GALNT18: variants seen among roughly 807,000 people sequenced by gnomAD.
The protein encoded by GALNT18 is GalNAc-transferase 18.
A neutral mutation model predicts 69.5 loss-of-function variants in GALNT18; 44 were observed. The ratio of observed to expected loss-of-function variants is 0.63; its 90% confidence interval spans 0.50 to 0.81. GALNT18 has a LOEUF of 0.81. Among genes scored for constraint, GALNT18 ranks in the 40% least tolerant of loss-of-function variants. GALNT18 has a pLI of 0.00. For missense variants in GALNT18, 715 were observed against 810.0 expected, an observed-to-expected ratio of 0.88 and a Z score of 1.42; for synonymous variants, 364 against 318.2, an observed-to-expected ratio of 1.14 and a Z score of -1.53.
At chr11:11,287,617 T>C (rs945596200) in intron 10 of GALNT18, among the ~76,000 whole-genome samples, 7 of 152,154 alleles carry the variant, frequency 4.6e-5, no homozygotes, top group African/African-American at 1.7e-4. Context: ...TCTCAGAAGG[T>C]TGAAAGACAT....
chr11:11,281,474 T>C (rs1849074114), intron 10 of GALNT18, among the ~76,000 whole-genome samples: 5 of 152,186 alleles, frequency 3.3e-5, no homozygotes, highest in Admixed American at 2.6e-4. Context: ...CAGCTGAAGA[T>C]TCTGGCTGCT....
chr11:11,313,968 C>G (rs11021791), intron 9 of GALNT18, among the ~76,000 whole-genome samples: 1 of 152,084 alleles, frequency 6.6e-6, no homozygotes, highest in Non-Finnish European at 1.5e-5. Flanking sequence ...GTTCTGTGCC[C>G]GATTTGGTGC....
chr11:11,471,456 T>C (rs1856268249), intron 1 of GALNT18, among the ~76,000 whole-genome samples: 1 of 152,100 alleles, frequency 6.6e-6, no homozygotes, highest in African/African-American at 2.4e-5. Flanking sequence ...GATAGGTAGG[T>C]GGGGACTGGC....
In GALNT18 at chr11:11,293,088, G is replaced by C. The variant is rs750645578; in HGVS notation, c.1618C>G (p.Leu540Val). Residue 540 changes from leucine (L) to valine (V), a missense_variant, in exon 10 of 11, where the codon CTC (leucine) becomes GTC (valine). Leu to Val is a conservative substitution (Grantham distance 32). Transcript: ENST00000227756. ...GCTTTGGCGTAGCTGCATTCGATGA[G>C]CCGGGGCCGGCTGTTGACGTCCACC... is the stretch of plus-strand genomic sequence containing the variant. The part of the protein sequence containing the change: ...CLVDVNSRPR[L>V]IECSYAKAKR... The C allele has an allele frequency of 7.2e-7, 1 of 1,383,792 alleles. No homozygotes were observed. Among genetic ancestry groups the C allele is most frequent in the Non-Finnish European group, 9.4e-7 (1 of 1,060,008 alleles). The allele number at this position is 1,383,792 out of a possible 1,614,324, so 85.7% of individuals were successfully genotyped here.
Position 11,340,518 on chromosome 11 carries a change from G to A in GALNT18, c.1278+301C>T, listed in dbSNP as rs1447920205. Reference sequence around the variant, plus strand: ...TAATGTCAGAGAAGCTGAGGACCTGGGAGCATGAAGGAAACTTGAGCTACC... The same window carrying A: ...TAATGTCAGAGAAGCTGAGGACCTGAGAGCATGAAGGAAACTTGAGCTACC... On this transcript the variant is annotated intron_variant, in intron 7 of 10. Transcript: ENST00000227756. This position sits in a 1 kb window ranked among gnomAD's most constrained non-coding sequence, Gnocchi z 4.2. Among the ~76,000 whole-genome samples, 1 of 152,110 alleles carries A rather than the reference G, an allele frequency of 6.6e-6. No homozygotes were observed. Among genetic ancestry groups the A allele is most frequent in the Non-Finnish European group, 1.5e-5 (1 of 68,020 alleles).
chr11:11,433,699 C>G (rs1266312897), intron 2 of GALNT18, among the ~76,000 whole-genome samples: 3 of 152,198 alleles, frequency 2.0e-5, no homozygotes, highest in Non-Finnish European at 4.4e-5. Flanking sequence ...TGCCGTGTCT[C>G]CTGAGGGTAG....
intron 1 of GALNT18, among the ~76,000 whole-genome samples, chr11:11,519,989 G>A (rs11021888): frequency 0.21 from 31,518 of 152,196 alleles, 3,828 homozygotes; most frequent in Non-Finnish European, 0.25. Context: ...ACCCGGAAGA[G>A]GTCACCAAAG....
chr11:11,305,909 T>C lies in GALNT18; in HGVS notation c.1513-12716A>G, dbSNP rs576933767. ...TAAATTATTCCAGGGACATTTGGAC[T>C]CCAGAAATTCATGCAGGTGCACTCC... On this transcript the variant is annotated intron_variant, in intron 9 of 10. Coordinates refer to ENST00000227756, the MANE Select transcript of GALNT18 (RefSeq NM_198516.3). Among the ~76,000 whole-genome samples, 3 of 152,322 alleles carry C rather than the reference T, an allele frequency of 2.0e-5. No individual in the cohort carries two copies. The South Asian group carries it at 6.2e-4, about 32-fold the overall frequency.
At chr11:11,285,471 G>T (rs940728748) in intron 10 of GALNT18, among the ~76,000 whole-genome samples, 5 of 152,286 alleles carry the variant, frequency 3.3e-5, no homozygotes, top group African/African-American at 1.2e-4. Flanking sequence ...GGGTAGTGGG[G>T]AGCTGAGCCA....
chr11:11,606,294 C>CT lies in GALNT18; in HGVS notation c.235+15064dup, dbSNP rs1317138186. ...AGGAAAAACCGGACCCAGTCTCCAC[C>CT]TTTAAGTAACCCACAGTCTAATGAG... On this transcript the variant is annotated intron_variant, in intron 1 of 10. Coordinates refer to ENST00000227756, the MANE Select transcript of GALNT18 (RefSeq NM_198516.3). This position sits in a 1 kb window ranked among gnomAD's most constrained non-coding sequence, Gnocchi z 5.4. 4.6e-5 allele frequency among the ~76,000 whole-genome samples: 7 copies of CT among 152,322 alleles called. No homozygotes were observed. The highest frequency in any genetic ancestry group is 4.6e-4 in the Admixed American group (7 of 15,294).
In GALNT18 at chr11:11,347,559, C is replaced by T. The variant is rs1850324954; in HGVS notation, c.1093-6555G>A. On this transcript the variant is annotated intron_variant, in intron 6 of 10. Coordinates refer to ENST00000227756, the MANE Select transcript of GALNT18 (RefSeq NM_198516.3). The surrounding 1 kb of genome is among the most constrained non-coding windows in gnomAD (Gnocchi z 4.0). ...TTGGTGGCACTTCAGCCTTGTACTT[C>T]ATAGCCACATCCACAAGATCAGATC... 6.6e-6 allele frequency among the ~76,000 whole-genome samples: 1 copy of T among 152,208 alleles called. No homozygotes were observed. The highest frequency in any genetic ancestry group is 1.5e-5 in the Non-Finnish European group (1 of 68,038).
intron 1 of GALNT18, among the ~76,000 whole-genome samples, chr11:11,516,132 C>G (rs984516556): frequency 2.0e-5 from 3 of 152,190 alleles, no homozygotes; most frequent in Non-Finnish European, 2.9e-5. Context: ...GGCACAGGGC[C>G]CTCAGAGCTG....
chr11:11,522,220 A>T (rs1857415693), intron 1 of GALNT18, among the ~76,000 whole-genome samples: 1 of 152,118 alleles, frequency 6.6e-6, no homozygotes, highest in Admixed American at 6.5e-5. Flanking sequence ...GGGAATAACC[A>T]TCAGGTCAAA....
intron 10 of GALNT18, among the ~76,000 whole-genome samples, chr11:11,275,209 G>A (rs1406807855): frequency 1.3e-5 from 2 of 152,306 alleles, no homozygotes; most frequent in Middle Eastern, 6.8e-3. Flanking sequence ...AGCATCTGTT[G>A]TTTCCTGACT....
intron 1 of GALNT18, among the ~76,000 whole-genome samples, chr11:11,509,775 T>G (rs1316627275): frequency 1.3e-5 from 2 of 152,230 alleles, no homozygotes; most frequent in Non-Finnish European, 2.9e-5. Context: ...CTGGCATATC[T>G]GAATTCAAGA....
intron 1 of GALNT18, among the ~76,000 whole-genome samples, chr11:11,458,942 T>G (rs1855981760): frequency 6.6e-6 from 1 of 152,230 alleles, no homozygotes; most frequent in African/African-American, 2.4e-5. Flanking sequence ...CCCAGCTCCC[T>G]GGGCCCTGCT....
At chr11:11,346,390 G>T (rs1232245543) in intron 6 of GALNT18, among the ~76,000 whole-genome samples, 1 of 152,196 alleles carries the variant, frequency 6.6e-6, no homozygotes, top group Non-Finnish European at 1.5e-5. Flanking sequence ...AGCTCAGCGG[G>T]ATGCCCTAAT....
At chr11:11,557,415 A>C (rs888630627) in intron 1 of GALNT18, among the ~76,000 whole-genome samples, 1 of 152,112 alleles carries the variant, frequency 6.6e-6, no homozygotes. Context: ...CAATGTCTTA[A>C]ATTACCTAAT....
chr11:11,604,040 G>A lies in GALNT18; in HGVS notation c.235+17319C>T, dbSNP rs796290002. ...AAAGCTGTTTTGTCTATTCTACCAT[G>A]TGAAACACAAAGGTGCCATCTACGA... is the stretch of plus-strand genomic sequence containing the variant. On this transcript the variant is annotated intron_variant, in intron 1 of 10. Transcript: ENST00000227756. The surrounding 1 kb of genome is among the most constrained non-coding windows in gnomAD (Gnocchi z 5.6). 3.3e-5 allele frequency among the ~76,000 whole-genome samples: 5 copies of A among 152,250 alleles called. No homozygotes were observed. In the South Asian group the frequency reaches 1.0e-3, roughly 32 times the overall value.
Sources: gnomAD v4.1 joint callset for allele counts (sites outside exome capture counted in the v4.1 genomes callset) on GRCh38, gnomAD v4.1.1 for gene constraint, Gnocchi (gnomAD v3.1) non-coding constraint, MANE v1.5 for transcripts, NCBI Gene and HGNC (gene_info 2026-07-23, HGNC 2026-07-21) for gene names.